The following KAZN variants were observed in gnomAD, a reference collection of about 807,000 sequenced individuals.
KAZN encodes the protein kazrin, periplakin interacting protein.
Under a neutral mutation model 87.4 loss-of-function variants are expected in KAZN, and 40 were observed. The observed-to-expected ratio is 0.46, with a 90% CI of 0.36 to 0.60. KAZN has a LOEUF of 0.60. Among genes scored for constraint, KAZN ranks in the 20% least tolerant of loss-of-function variants. KAZN has a pLI of 0.00. For synonymous variants in KAZN, 466 were observed against 458.3 expected, an observed-to-expected ratio of 1.02 and a Z score of -0.22; for missense variants, 898 against 1,073.9, an observed-to-expected ratio of 0.84 and a Z score of 2.29.
intron 2 of KAZN, among the ~76,000 whole-genome samples, chr1:14,584,527 C>T (rs2148568577): frequency 6.6e-6 from 1 of 152,300 alleles, no homozygotes; most frequent in South Asian, 2.1e-4. Context: ...GTATCTAAAC[C>T]AGTGCTTGCC....
intron 1 of KAZN, among the ~76,000 whole-genome samples, chr1:14,898,566 C>T (rs1024768122): frequency 1.2e-4 from 19 of 152,248 alleles, no homozygotes; most frequent in African/African-American, 4.6e-4. Context: ...AAGGAGCAAG[C>T]AATTTCAGGC....
intron 2 of KAZN, among the ~76,000 whole-genome samples, chr1:14,986,229 G>A (rs911497296): frequency 2.0e-5 from 3 of 152,030 alleles, no homozygotes; most frequent in East Asian, 1.9e-4. Flanking sequence ...ACATCAGTGG[G>A]TAGTACAGTA....
chr1:14,644,418 G>A (rs1680653886), intron 1 of KAZN, among the ~76,000 whole-genome samples: 5 of 150,002 alleles, frequency 3.3e-5, no homozygotes, highest in Admixed American at 3.3e-4. Context: ...CTGGAGTGCT[G>A]TGGTGTGATC....
intron 11 of KAZN, among the ~76,000 whole-genome samples, chr1:15,102,245 A>T (rs1396705942): frequency 1.3e-5 from 2 of 151,530 alleles, no homozygotes; most frequent in Middle Eastern, 3.4e-3. Context: ...TTGCTATTTT[A>T]AAAAAAAAGA....
chr1:14,099,608 C>A (rs72862528), intron 1 of KAZN, among the ~76,000 whole-genome samples: 6,405 of 152,194 alleles, frequency 0.042, 470 homozygotes, highest in African/African-American at 0.15. Context: ...ATATGAAACT[C>A]CCTCTCACCT....
In KAZN at chr1:14,773,904, G is replaced by A. The variant is rs1283324654; in HGVS notation, c.226+174681G>A. Among the ~76,000 whole-genome samples, 4 of 152,212 alleles carry A rather than the reference G, an allele frequency of 2.6e-5. No individual in the cohort carries two copies. Among genetic ancestry groups the A allele is most frequent in the Non-Finnish European group, 4.4e-5 (3 of 68,042 alleles). ...AGGGAAGCTTGAAGGAAACAGGCAG[G>A]GAAGACCTGTCAACACTAATTAGAA... is the stretch of plus-strand genomic sequence containing the variant. On this transcript the variant is annotated intron_variant, in intron 1 of 14. Coordinates refer to ENST00000376030, the MANE Select transcript of KAZN (RefSeq NM_201628.3). This position sits in a 1 kb window ranked among gnomAD's most constrained non-coding sequence, Gnocchi z 5.9.
intron 1 of KAZN, among the ~76,000 whole-genome samples, chr1:14,082,374 C>A (rs1643708424): frequency 6.6e-6 from 1 of 152,080 alleles, no homozygotes. Context: ...ACAAGATAGT[C>A]CAGGCAAGGG....
At chr1:14,946,625 G>A (rs184244141) in intron 1 of KAZN, among the ~76,000 whole-genome samples, 14 of 152,312 alleles carry the variant, frequency 9.2e-5, no homozygotes, top group Admixed American at 2.0e-4. Flanking sequence ...TGTGTGAACT[G>A]CAGGCTCACC....
chr1:14,489,498 C>T (rs1669533615), intron 2 of KAZN, among the ~76,000 whole-genome samples: 1 of 152,000 alleles, frequency 6.6e-6, no homozygotes, highest in Non-Finnish European at 1.5e-5. Flanking sequence ...CTTTGAGAAG[C>T]CAAGGCAGGC....
At chr1:13,950,891 A>G (rs891057390) in intron 1 of KAZN, among the ~76,000 whole-genome samples, 13 of 152,262 alleles carry the variant, frequency 8.5e-5, no homozygotes, top group Middle Eastern at 3.4e-3. Flanking sequence ...TGTGTGTTAA[A>G]TAGGTATACA....
chr1:14,983,253 C>A (rs1385690797), intron 2 of KAZN, among the ~76,000 whole-genome samples: 2 of 152,234 alleles, frequency 1.3e-5, no homozygotes, highest in Admixed American at 1.3e-4. Context: ...CCTACCTCCA[C>A]CCCGGCAGGG....
intron 2 of KAZN, among the ~76,000 whole-genome samples, chr1:14,332,435 G>A (rs2100874870): frequency 6.6e-6 from 1 of 152,302 alleles, no homozygotes; most frequent in East Asian, 1.9e-4. Context: ...GGAATGCCAA[G>A]CGCACGATGG....
At chr1:14,140,946 C>A (rs979195044) in intron 1 of KAZN, among the ~76,000 whole-genome samples, 1 of 152,086 alleles carries the variant, frequency 6.6e-6, no homozygotes, top group Non-Finnish European at 1.5e-5. Flanking sequence ...ATCTCGCCTG[C>A]CAAGAATGAG....
intron 1 of KAZN, among the ~76,000 whole-genome samples, chr1:14,088,895 T>C (rs1347425820): frequency 6.6e-6 from 1 of 151,760 alleles, no homozygotes; most frequent in African/African-American, 2.4e-5. Flanking sequence ...TCCCTCTTTA[T>C]CCCAGATAAT....
At chr1:14,705,699 G>A (rs958902352) in intron 1 of KAZN, among the ~76,000 whole-genome samples, 5 of 152,176 alleles carry the variant, frequency 3.3e-5, no homozygotes, top group Non-Finnish European at 7.3e-5. Flanking sequence ...AACACCACAT[G>A]TTCTCACTCA....
chr1:14,562,115 C>T (rs1167350936), intron 2 of KAZN, among the ~76,000 whole-genome samples: 1 of 152,104 alleles, frequency 6.6e-6, no homozygotes, highest in African/African-American at 2.4e-5. Context: ...TAAGCCTCCA[C>T]CCCTTTGAGG....
chr1:14,518,440 G>T (rs12408554), intron 2 of KAZN, among the ~76,000 whole-genome samples: 58,688 of 151,892 alleles, frequency 0.39, 12,088 homozygotes, highest in South Asian at 0.61. Flanking sequence ...GCCTCCCAAA[G>T]TGTTGGGATT....
At position 14,478,195 on chromosome 1, in the gene KAZN, T is replaced by A. The variant is rs573763916; in HGVS notation, c.250-120788T>A. On this transcript the variant is annotated intron_variant, in intron 2 of 16. Coordinates refer to the KAZN transcript ENST00000636203. Reference sequence around the variant, plus strand: ...TGAGATGGGTGGAGAGATGGATGGATAGATGGATGGGTGGATAGATGGATG... The same window carrying A: ...TGAGATGGGTGGAGAGATGGATGGAAAGATGGATGGGTGGATAGATGGATG... Among the ~76,000 whole-genome samples the A allele has an allele frequency of 2.0e-5, 3 of 148,604 alleles. No homozygotes were observed. The East Asian group carries it at 6.0e-4, about 30-fold the overall frequency.
rs1418382448 is a variant in KAZN at position 13,893,503 on chromosome 1, G to A, written c.-163G>A. The A allele has an allele frequency of 1.7e-5, 20 of 1,207,760 alleles. 1 individual carries two copies. The South Asian group carries it at 3.2e-4, about 19-fold the overall frequency. 74.8% of individuals were successfully genotyped at this position (1,207,760 alleles called of 1,614,324 possible). On this transcript the variant is annotated 5_prime_UTR_variant, in exon 1 of 17. Coordinates refer to the KAZN transcript ENST00000636203. ...AGAAAAACTGCAAGGAAAGGGTGGC[G>A]AAAGGAAGAAACACTATAAACTTTG...
Sources: allele counts gnomAD v4.1 joint callset (sites outside exome capture counted in the v4.1 genomes callset), GRCh38; gene constraint gnomAD v4.1.1; non-coding constraint Gnocchi (gnomAD v3.1); transcripts MANE v1.5; gene names NCBI Gene and HGNC (gene_info 2026-07-23, HGNC 2026-07-21).